EEF1AKMT2: variants seen among roughly 807,000 people sequenced by gnomAD.
EEF1AKMT2 encodes the protein EEF1A lysine methyltransferase 2.
A neutral mutation model predicts 35.8 loss-of-function variants in EEF1AKMT2; 32 were observed. The observed-to-expected ratio is 0.89, with a 90% CI of 0.67 to 1.20. The LOEUF (loss-of-function observed/expected upper bound fraction) is 1.20. Among genes scored for constraint, EEF1AKMT2 ranks in the 50% most tolerant of loss-of-function variants. EEF1AKMT2 has a pLI of 0.00. For synonymous variants in EEF1AKMT2, 121 were observed against 133.7 expected, an observed-to-expected ratio of 0.91 and a Z score of 0.65; for missense variants, 330 against 347.5, an observed-to-expected ratio of 0.95 and a Z score of 0.40.
At chr10:124,788,620 C>T (rs558501771) in intron 3 of EEF1AKMT2, among the ~76,000 whole-genome samples, 2 of 150,912 alleles carry the variant, frequency 1.3e-5, no homozygotes, top group South Asian at 4.2e-4. Context: ...TACCGAAACA[C>T]AGTTCCATGG....
intron 3 of EEF1AKMT2, among the ~76,000 whole-genome samples, chr10:124,782,309 G>A (rs1025411395): frequency 6.6e-6 from 1 of 151,824 alleles, no homozygotes; most frequent in South Asian, 2.1e-4. Flanking sequence ...CCGGCCGGGT[G>A]CGGTGGCTCA....
intron 5 of EEF1AKMT2, 75 bp downstream of exon 5, chr10:124,765,317 A>G: frequency 7.9e-7 from 1 of 1,259,436 alleles, no homozygotes; most frequent in South Asian, 1.3e-5. Flanking sequence ...ACTATAACAC[A>G]AAACGGGGAG....
rs533996427 is a variant in EEF1AKMT2 at position 124,791,804 on chromosome 10, G to A, written c.30C>T (p.Gly10=). The A allele has an allele frequency of 6.9e-6, 11 of 1,586,950 alleles. No individual in the cohort carries two copies. Among genetic ancestry groups the A allele is most frequent in the African/African-American group, 2.7e-5 (2 of 74,356 alleles). MSSGADGGG[G]AAVAARSDKG... Reference sequence around the variant, plus strand: ...TGTCCGACCGCGCCGCCACCGCAGCGCCACCGCCGCCGTCAGCGCCCGAGC... The same window carrying A: ...TGTCCGACCGCGCCGCCACCGCAGCACCACCGCCGCCGTCAGCGCCCGAGC... The change falls in exon 1 of 7, where the codon GGC becomes GGT. Residue 10 remains glycine (G), a synonymous_variant. Coordinates refer to ENST00000368836, the MANE Select transcript of EEF1AKMT2 (RefSeq NM_212554.4).
intron 3 of EEF1AKMT2, among the ~76,000 whole-genome samples, chr10:124,781,158 A>C (rs544267303): frequency 4.6e-5 from 7 of 151,758 alleles, no homozygotes; most frequent in African/African-American, 1.7e-4. Context: ...GTTGGCCAGG[A>C]TGGTCTCGAT....
At chr10:124,765,866 G>A (rs1950374476) in intron 4 of EEF1AKMT2, 1 of 335,762 alleles carries the variant, frequency 3.0e-6, no homozygotes, top group East Asian at 5.5e-5. Flanking sequence ...ATCAAAGCTA[G>A]CCATATTCCC....
At position 124,789,120 on chromosome 10, in the gene EEF1AKMT2, T is replaced by C; in HGVS notation, c.214A>G (p.Met72Val). ...EESMNRLIRW[M>V]QKHKIPLDAS... The stretch of plus-strand genomic sequence containing the variant: ...TCCAGTGGAATCTTGTGTTTCTGCA[T>C]CCACCTTATTAGTCGATTCATACTC... Residue 72 changes from methionine (M) to valine (V), a missense_variant, in exon 3 of 7, where the codon ATG becomes GTG. Physicochemically the swap from Met to Val is conservative, Grantham distance 21. Coordinates refer to ENST00000368836, the MANE Select transcript of EEF1AKMT2 (RefSeq NM_212554.4). 5.6e-6 allele frequency: 9 copies of C among 1,613,690 alleles called. No individual in the cohort carries two copies. Among genetic ancestry groups the C allele is most frequent in the Non-Finnish European group, 7.6e-6 (9 of 1,179,812 alleles).
chr10:124,761,997 G>T (rs1950335523), intron 6 of EEF1AKMT2, among the ~76,000 whole-genome samples: 1 of 152,136 alleles, frequency 6.6e-6, no homozygotes, highest in Non-Finnish European at 1.5e-5. Context: ...ATTAGTTTTG[G>T]AATATTTTTT....
chr10:124,767,511 CAAAAAAAAAAA>C (rs1193595891), intron 4 of EEF1AKMT2, among the ~76,000 whole-genome samples: 3 of 60,140 alleles, frequency 5.0e-5, no homozygotes, highest in Non-Finnish European at 1.1e-4. Context: ...GACACTGCCT[CAAAAAAAAAAA>C]AAAAAGAAAA....
Position 124,774,739 on chromosome 10 carries a change from G to A in EEF1AKMT2, c.335C>T (p.Pro112Leu). Residue 112 changes from proline to leucine, a missense_variant, in exon 4 of 7, where the codon CCT becomes CTT. Transcript: ENST00000368836. ...FSNITGIDYSPSAIQLSGSII... is the reference protein window; with the variant it reads ...FSNITGIDYSLSAIQLSGSII... Reference sequence around the variant, plus strand: ...ACTTCCAGAAAGCTGAATTGCAGAAGGAGAGTAATCAATTCCAGTAATATT... The same window carrying A: ...ACTTCCAGAAAGCTGAATTGCAGAAAGAGAGTAATCAATTCCAGTAATATT... 6.7e-7 allele frequency: 1 copy of A among 1,483,632 alleles called. No homozygotes were observed. Among genetic ancestry groups the A allele is most frequent in the Non-Finnish European group, 8.9e-7 (1 of 1,121,344 alleles). The allele number at this position is 1,483,632 out of a possible 1,614,324, so 91.9% of individuals were successfully genotyped here.
chr10:124,771,706 A>C (rs1021556135), intron 4 of EEF1AKMT2, among the ~76,000 whole-genome samples: 24 of 152,010 alleles, frequency 1.6e-4, no homozygotes, highest in African/African-American at 5.5e-4. Context: ...CATCTCTACT[A>C]AAAATACAAA....
In EEF1AKMT2 at chr10:124,760,123, TA is replaced by T; in HGVS notation, c.*379del. The T allele has an allele frequency of 5.6e-6, 2 of 354,164 alleles. No homozygotes were observed. Among genetic ancestry groups the T allele is most frequent in the Non-Finnish European group, 1.0e-5 (2 of 199,090 alleles). The allele number at this position is 354,164 out of a possible 1,614,324, so 21.9% of individuals were successfully genotyped here. A position where few individuals can be genotyped will look rare whatever the true frequency, so the allele number is the denominator to read the frequency against. On this transcript the variant is annotated 3_prime_UTR_variant, in exon 7 of 7. Coordinates refer to ENST00000368836, the MANE Select transcript of EEF1AKMT2 (RefSeq NM_212554.4). The stretch of plus-strand genomic sequence containing the variant: ...CTTTCTATAAACTCATTTACTACTT[TA>T]AAGTTTTTAACTGTTTAGCAGTTAT...
At chr10:124,791,593 G>A in intron 1 of EEF1AKMT2, 131 bp downstream of exon 1, 1 of 1,317,390 alleles carries the variant, frequency 7.6e-7, no homozygotes, top group Non-Finnish European at 1.0e-6. Context: ...CCCCCGCCAG[G>A]TGGCCCTGCT....
rs556940311 is a variant in EEF1AKMT2 at position 124,789,985 on chromosome 10, A to G, written c.176+288T>C. 1.2e-3 allele frequency among the ~76,000 whole-genome samples: 174 copies of G among 151,012 alleles called. 1 individual carries two copies. The highest frequency in any genetic ancestry group is 6.9e-3 in the Middle Eastern group (2 of 288). Reference sequence around the variant, plus strand: ...CAGCTCACTGCAATCTCCGCCTCCCAGGTTCAAATGATTCCCCTGCCTCGG... The same window carrying G: ...CAGCTCACTGCAATCTCCGCCTCCCGGGTTCAAATGATTCCCCTGCCTCGG... On this transcript the variant is annotated intron_variant, in intron 2 of 6. Transcript: ENST00000368836.
chr10:124,765,858 C>T (rs1484617381), intron 4 of EEF1AKMT2: 6 of 354,190 alleles, frequency 1.7e-5, no homozygotes, highest in Non-Finnish European at 2.5e-5. Context: ...GGAAACAAAT[C>T]AAAGCTAGCC....
intron 6 of EEF1AKMT2, 60 bp from the exon 7 acceptor site, chr10:124,760,563 A>G: frequency 7.9e-7 from 1 of 1,265,088 alleles, no homozygotes; most frequent in Non-Finnish European, 1.2e-6. Context: ...ACATGTATTT[A>G]TATGCATGCA....
Position 124,790,265 on chromosome 10 carries a change from T to C in EEF1AKMT2, c.176+8A>G. On this transcript the variant is annotated splice_region_variant and intron_variant, in intron 2 of 6. Transcript: ENST00000368836. ...CTAGATTATAACTTGATTCTTTTCC[T>C]AACTCACCAGATTTCACCTGTATCT... The C allele has an allele frequency of 1.9e-6, 3 of 1,596,624 alleles. No individual in the cohort carries two copies. The highest frequency in any genetic ancestry group is 2.6e-6 in the Non-Finnish European group (3 of 1,164,108).
chr10:124,764,296 G>A (rs1199159861), intron 5 of EEF1AKMT2, among the ~76,000 whole-genome samples: 1 of 105,996 alleles, frequency 9.4e-6, no homozygotes, highest in East Asian at 2.7e-4. Context: ...TTTAAAAAGT[G>A]CAGGATCAAA....
intron 1 of EEF1AKMT2, 79 bp downstream of exon 1, chr10:124,791,645 G>C (rs1170172231): frequency 6.5e-7 from 1 of 1,530,020 alleles, no homozygotes; most frequent in Admixed American, 2.0e-5. Context: ...TGAGCCCCGG[G>C]TCTCCACCCC....
chr10:124,759,954 T>C lies in EEF1AKMT2; in HGVS notation c.*549A>G, dbSNP rs914173588. 6.4e-6 allele frequency: 1 copy of C among 155,058 alleles called. No individual in the cohort carries two copies. Among genetic ancestry groups the C allele is most frequent in the Admixed American group, 6.5e-5 (1 of 15,360 alleles). 9.6% of individuals were successfully genotyped at this position (155,058 alleles called of 1,614,324 possible). The stretch of plus-strand genomic sequence containing the variant: ...AAAATAACCGCCATCCAACACAAAA[T>C]AGTATTTCTTGTTATATTTCATAAA... On this transcript the variant is annotated 3_prime_UTR_variant, in exon 7 of 7. Transcript: ENST00000368836.
Sources: gnomAD v4.1 joint callset for allele counts (sites outside exome capture counted in the v4.1 genomes callset) on GRCh38, gnomAD v4.1.1 for gene constraint, MANE v1.5 for transcripts, NCBI Gene and HGNC (gene_info 2026-07-23, HGNC 2026-07-21) for gene names.